The following R3HDM2 variants were observed in gnomAD, a reference collection of about 807,000 sequenced individuals.
The protein encoded by R3HDM2 is R3H domain-containing protein 2.
Under a neutral mutation model 124.5 loss-of-function variants are expected in R3HDM2, and 38 were observed. The observed-to-expected ratio is 0.31, with a 90% CI of 0.24 to 0.40. The LOEUF (loss-of-function observed/expected upper bound fraction) is 0.40, where lower values mean the gene tolerates loss of function less well. Among genes scored for constraint, R3HDM2 ranks in the 10% least tolerant of loss-of-function variants. R3HDM2 has a pLI of 1.00. For synonymous variants in R3HDM2, 391 were observed against 448.0 expected (o/e 0.87, Z 1.61); for missense variants, 869 against 1,236.9 (o/e 0.70, Z 4.46).
chr12:57,254,661 G>T lies in R3HDM2; in HGVS notation c.*112C>A. 1.0e-6 allele frequency: 1 copy of T among 960,092 alleles called. No individual in the cohort carries two copies. The highest frequency in any genetic ancestry group is 1.5e-6 in the Non-Finnish European group (1 of 660,224). 59.5% of individuals were successfully genotyped at this position (960,092 alleles called of 1,614,324 possible). A position where few individuals can be genotyped will look rare whatever the true frequency, so the allele number is the denominator to read the frequency against. The stretch of plus-strand genomic sequence containing the variant: ...ATCTTCATCACTGTCTTAGGTTCCA[G>T]TTTAACATCAGTTTCCTTACTTCCT... On this transcript the variant is annotated 3_prime_UTR_variant, in exon 24 of 24. Transcript: ENST00000402412.
At chr12:57,376,202 AG>A (rs754033514) in intron 2 of R3HDM2, among the ~76,000 whole-genome samples, 4 of 152,242 alleles carry the variant, frequency 2.6e-5, no homozygotes, top group Non-Finnish European at 4.4e-5. Context: ...ATGGGACCAG[AG>A]GACATACCTA....
At chr12:57,388,498 T>C (rs1287324784) in intron 2 of R3HDM2, among the ~76,000 whole-genome samples, 1 of 152,194 alleles carries the variant, frequency 6.6e-6, no homozygotes, top group Non-Finnish European at 1.5e-5. Context: ...GGGGATTCTA[T>C]AAGATGGTGC....
At chr12:57,381,982 A>AT (rs796805660) in intron 2 of R3HDM2, among the ~76,000 whole-genome samples, 47 of 147,394 alleles carry the variant, frequency 3.2e-4, no homozygotes, top group African/African-American at 7.0e-4. Flanking sequence ...TGCCTGGCTA[A>AT]TTTTTTTTTT....
chr12:57,302,687 GT>G (rs1555240345), intron 4 of R3HDM2, among the ~76,000 whole-genome samples: 1 of 122,770 alleles, frequency 8.1e-6, no homozygotes, highest in African/African-American at 3.1e-5. Flanking sequence ...AAAAAAAAAA[GT>G]AAAACATTAG....
In R3HDM2 at chr12:57,409,587, A is replaced by C. The variant is rs552083895; in HGVS notation, c.-105-13769T>G. On this transcript the variant is annotated intron_variant, in intron 1 of 23. Transcript: ENST00000402412. ...AGCCTACCCAAAGGAAAAGTCACAAAACCCAGGAAAAAAAGAAATCACTAC... is the reference window on the plus strand; with the variant it reads ...AGCCTACCCAAAGGAAAAGTCACAACACCCAGGAAAAAAAGAAATCACTAC... Among the ~76,000 whole-genome samples, 4 of 152,110 alleles carry C rather than the reference A, an allele frequency of 2.6e-5. No individual in the cohort carries two copies. The East Asian group carries it at 7.7e-4, about 29-fold the overall frequency.
chr12:57,318,011 T>C (rs1479016056), intron 2 of R3HDM2, among the ~76,000 whole-genome samples: 9 of 145,480 alleles, frequency 6.2e-5, no homozygotes, highest in African/African-American at 7.6e-5. Context: ...AAGGAATGGC[T>C]GGGCGAGGTG....
Position 57,374,763 on chromosome 12 carries a change from G to A in R3HDM2, c.-36+20986C>T, listed in dbSNP as rs374154386. Reference sequence around the variant, plus strand: ...AATACTAGCACTTTGAGAGGCTGAGGCAGGCAGATCACGAGGTCAGGAGAT... The same window carrying A: ...AATACTAGCACTTTGAGAGGCTGAGACAGGCAGATCACGAGGTCAGGAGAT... On this transcript the variant is annotated intron_variant, in intron 2 of 23. Transcript: ENST00000402412. 8.4e-4 allele frequency among the ~76,000 whole-genome samples: 127 copies of A among 150,418 alleles called. 1 individual carries two copies. In the East Asian group the frequency reaches 0.022, roughly 26 times the overall value.
At chr12:57,260,371 TG>T (rs2040472206) in intron 19 of R3HDM2, among the ~76,000 whole-genome samples, 1 of 150,334 alleles carries the variant, frequency 6.7e-6, no homozygotes, top group Admixed American at 6.7e-5. Flanking sequence ...AAGGTTACAC[TG>T]ACAGGTTCAG....
At chr12:57,283,611 T>C (rs1206948021) in intron 13 of R3HDM2, among the ~76,000 whole-genome samples, 1 of 152,052 alleles carries the variant, frequency 6.6e-6, no homozygotes, top group African/African-American at 2.4e-5. Context: ...TGGTGGCGCA[T>C]GCCTGTAATC....
At chr12:57,356,380 T>G (rs2061294076) in intron 2 of R3HDM2, among the ~76,000 whole-genome samples, 1 of 152,238 alleles carries the variant, frequency 6.6e-6, no homozygotes, top group Non-Finnish European at 1.5e-5. Flanking sequence ...AGTCTGTTAA[T>G]AGAGAATTAC....
At chr12:57,403,150 G>C (rs1382794593) in intron 1 of R3HDM2, among the ~76,000 whole-genome samples, 2 of 151,556 alleles carry the variant, frequency 1.3e-5, no homozygotes, top group Non-Finnish European at 2.9e-5. Context: ...GAGGTTAGGA[G>C]TTCGAGACCA....
At chr12:57,371,099 T>C (rs2063324066) in intron 2 of R3HDM2, among the ~76,000 whole-genome samples, 1 of 139,014 alleles carries the variant, frequency 7.2e-6, no homozygotes, top group African/African-American at 2.7e-5. Context: ...TTTTTTTTTT[T>C]TTTTTTTTTT....
At chr12:57,424,409 G>A (rs940301824) in intron 1 of R3HDM2, among the ~76,000 whole-genome samples, 2 of 151,944 alleles carry the variant, frequency 1.3e-5, no homozygotes, top group African/African-American at 2.4e-5. Flanking sequence ...TGACCCACCC[G>A]CCTCAGCCTC....
intron 2 of R3HDM2, among the ~76,000 whole-genome samples, chr12:57,360,038 T>TATATATAC (rs2061725899): frequency 1.1e-5 from 1 of 88,152 alleles, no homozygotes; most frequent in African/African-American, 4.1e-5. Context: ...CATATATATA[T>TATATATAC]ATATATATAT....
At chr12:57,350,429 C>T (rs1336629893) in intron 2 of R3HDM2, among the ~76,000 whole-genome samples, 1 of 151,870 alleles carries the variant, frequency 6.6e-6, no homozygotes, top group Non-Finnish European at 1.5e-5. Context: ...AGAGATGAAG[C>T]CTGAGATAAA....
intron 2 of R3HDM2, among the ~76,000 whole-genome samples, chr12:57,369,403 C>G (rs1429431939): frequency 6.6e-6 from 1 of 152,172 alleles, no homozygotes; most frequent in Admixed American, 6.6e-5. Context: ...AAAACTACAT[C>G]ATCAGGCCAT....
At chr12:57,362,073 A>C (rs1447990743) in intron 2 of R3HDM2, among the ~76,000 whole-genome samples, 5 of 152,160 alleles carry the variant, frequency 3.3e-5, no homozygotes, top group Non-Finnish European at 7.4e-5. Flanking sequence ...CAGAAGTTGC[A>C]ATGAGCCAAG....
chr12:57,260,866 G>C (rs1167542302), intron 19 of R3HDM2, among the ~76,000 whole-genome samples: 2 of 152,148 alleles, frequency 1.3e-5, no homozygotes, highest in South Asian at 2.1e-4. Context: ...GGTAGTATCA[G>C]TCAAAAGAAA....
intron 23 of R3HDM2, 27 bp from the exon 24 acceptor site, chr12:57,255,140 T>C (rs1172719671): frequency 1.9e-6 from 3 of 1,542,150 alleles, no homozygotes; most frequent in Non-Finnish European, 1.8e-6. Flanking sequence ...GAGGACATGG[T>C]TGTGAGAGGA....
Sources: gnomAD v4.1 joint callset for allele counts (sites outside exome capture counted in the v4.1 genomes callset) on GRCh38, gnomAD v4.1.1 for gene constraint, MANE v1.5 for transcripts, NCBI Gene and HGNC (gene_info 2026-07-23, HGNC 2026-07-21) for gene names.